The following PLXNC1 variants were observed in gnomAD, a reference collection of about 807,000 sequenced individuals.
PLXNC1 encodes the protein plexin C1.
A neutral mutation model predicts 178.2 loss-of-function variants in PLXNC1; 75 were observed. That is an observed-to-expected ratio of 0.42 (90% CI 0.35 to 0.51). PLXNC1 has a LOEUF of 0.51. PLXNC1 is among the 20% of genes least tolerant of loss of function. PLXNC1 has a pLI of 0.02. For synonymous variants in PLXNC1, 790 were observed against 779.9 expected, an observed-to-expected ratio of 1.01 and a Z score of -0.22; for missense variants, 1,503 against 1,984.4, an observed-to-expected ratio of 0.76 and a Z score of 4.61.
At chr12:94,231,814 T>C (rs1390033208) in intron 9 of PLXNC1, among the ~76,000 whole-genome samples, 1 of 152,156 alleles carries the variant, frequency 6.6e-6, no homozygotes, top group Non-Finnish European at 1.5e-5. Context: ...CCGTTGGCCC[T>C]TTTACCCTGC....
intron 6 of PLXNC1, 60 bp downstream of exon 6, chr12:94,220,223 G>A: frequency 1.3e-6 from 2 of 1,542,292 alleles, no homozygotes; most frequent in Non-Finnish European, 1.8e-6. Context: ...GGAACCTCCT[G>A]AGTTTAGTTT....
intron 14 of PLXNC1, among the ~76,000 whole-genome samples, chr12:94,250,895 G>A (rs756223937): frequency 5.9e-4 from 90 of 152,030 alleles, no homozygotes; most frequent in East Asian, 3.9e-4. Context: ...GGTGTGTACC[G>A]TAGCCCCAGC....
intron 7 of PLXNC1, among the ~76,000 whole-genome samples, chr12:94,226,043 A>G (rs1963928687): frequency 6.6e-6 from 1 of 152,216 alleles, no homozygotes; most frequent in Non-Finnish European, 1.5e-5. Context: ...ATTCCTTCTC[A>G]TAAGTGCTTT....
intron 5 of PLXNC1, among the ~76,000 whole-genome samples, chr12:94,213,821 A>AT (rs1477112365): frequency 6.7e-6 from 1 of 150,278 alleles, no homozygotes; most frequent in Non-Finnish European, 1.5e-5. Flanking sequence ...TCTTGAATTA[A>AT]TTTTTTGTAT....
At chr12:94,177,217 G>A (rs1420437691) in intron 2 of PLXNC1, among the ~76,000 whole-genome samples, 31 of 80,956 alleles carry the variant, frequency 3.8e-4, no homozygotes, top group African/African-American at 1.2e-3. Context: ...ATATATGTGT[G>A]TGTATATATA....
intron 11 of PLXNC1, among the ~76,000 whole-genome samples, chr12:94,242,302 ATTTTTTTTTTTT>A (rs59056862): frequency 3.1e-5 from 3 of 97,376 alleles, no homozygotes; most frequent in African/African-American, 1.3e-4. Flanking sequence ...AATCTCCCCA[ATTTTTTTTTTTT>A]TTTTTTTTTT....
chr12:94,296,612 G>T (rs1455780000), intron 24 of PLXNC1, among the ~76,000 whole-genome samples: 1 of 152,126 alleles, frequency 6.6e-6, no homozygotes, highest in Non-Finnish European at 1.5e-5. Context: ...CCTAGAAAGG[G>T]TCAGCTCCTT....
rs1968169791 is a variant in PLXNC1, at chr12:94,298,675, G to C, written c.4118G>C (p.Trp1373Ser). ...CTTGAAAAACTTTTTAGAAGCATTT[G>C]GAGTTTACCCAACAGCAGAGCTCCA... ...SVLEKLFRSI[W>S]SLPNSRAPFA... is the part of the protein sequence containing the mutation. The change falls in exon 27 of 31, where the codon TGG (tryptophan) becomes TCG (serine). Residue 1373 changes from tryptophan (W) to serine (S), a missense_variant. Physicochemically the swap from Trp to Ser is radical, Grantham distance 177 (BLOSUM62 -3). This residue lies in a region of PLXNC1 where 639 missense variants were observed against 979.7 expected (regional missense o/e 0.65). Coordinates refer to ENST00000258526, the MANE Select transcript of PLXNC1 (RefSeq NM_005761.3). 1.2e-6 allele frequency: 2 copies of C among 1,609,652 alleles called. 1 individual carries two copies. Among genetic ancestry groups the C allele is most frequent in the African/African-American group, 2.7e-5 (2 of 74,596 alleles).
chr12:94,186,226 C>G, intron 3 of PLXNC1, 147 bp from the exon 4 acceptor site: 1 of 608,164 alleles, frequency 1.6e-6, no homozygotes, highest in Non-Finnish European at 3.0e-6. Context: ...TGTCCTAGAT[C>G]TTGAGACCCA....
chr12:94,152,701 G>A (rs1452218961), intron 1 of PLXNC1, among the ~76,000 whole-genome samples: 1 of 152,174 alleles, frequency 6.6e-6, no homozygotes, highest in African/African-American at 2.4e-5. Context: ...ACAAGCGGCT[G>A]GATTTGCTTG....
intron 7 of PLXNC1, among the ~76,000 whole-genome samples, chr12:94,226,147 C>G (rs552358996): frequency 9.9e-5 from 15 of 152,230 alleles, no homozygotes; most frequent in Non-Finnish European, 2.1e-4. Context: ...AACACAGGCA[C>G]CTCGTTGCCT....
intron 10 of PLXNC1, among the ~76,000 whole-genome samples, chr12:94,239,895 A>G (rs1262107524): frequency 6.6e-6 from 1 of 152,174 alleles, no homozygotes; most frequent in Non-Finnish European, 1.5e-5. Flanking sequence ...TTACCCTCTC[A>G]GTGCTTGACT....
At chr12:94,284,169 C>T (rs1183166589) in intron 23 of PLXNC1, among the ~76,000 whole-genome samples, 1 of 151,968 alleles carries the variant, frequency 6.6e-6, no homozygotes, top group Non-Finnish European at 1.5e-5. Flanking sequence ...ATTTTATCCC[C>T]AGGAGCAATT....
intron 17 of PLXNC1, among the ~76,000 whole-genome samples, chr12:94,256,667 C>T (rs576221721): frequency 1.3e-5 from 2 of 152,152 alleles, no homozygotes; most frequent in African/African-American, 2.4e-5. Context: ...AATAAAATAA[C>T]GGAGATTTTT....
At chr12:94,164,125 C>T (rs1415442654) in intron 1 of PLXNC1, among the ~76,000 whole-genome samples, 1 of 152,054 alleles carries the variant, frequency 6.6e-6, no homozygotes, top group Non-Finnish European at 1.5e-5. Context: ...AGGGCTCCTT[C>T]AGGGGTTTCC....
rs10715853 is a variant in PLXNC1 at position 94,234,139 on chromosome 12, ATT to A, written c.1981-3517_1981-3516del. On this transcript the variant is annotated intron_variant, in intron 9 of 30. Transcript: ENST00000258526. The stretch of plus-strand genomic sequence containing the variant: ...CCTACAGAGAGTTTGCTATATTCAG[ATT>A]TTTTTTTAACAGATTAATAGAGTAC... Among the ~76,000 whole-genome samples the A allele has an allele frequency of 1.8e-4, 28 of 151,674 alleles. No individual in the cohort carries two copies. In the East Asian group the frequency reaches 5.2e-3, roughly 28 times the overall value.
At chr12:94,203,921 A>G (rs1963215896) in intron 4 of PLXNC1, among the ~76,000 whole-genome samples, 1 of 152,164 alleles carries the variant, frequency 6.6e-6, no homozygotes, top group Admixed American at 6.5e-5. Flanking sequence ...ATTAATGCCA[A>G]TCATAGAAGG....
At chr12:94,214,199 C>G (rs143042205) in intron 5 of PLXNC1, among the ~76,000 whole-genome samples, 3,084 of 151,824 alleles carry the variant, frequency 0.02, 120 homozygotes, top group African/African-American at 0.071. Context: ...ATCCTCCCAC[C>G]TCAGCCTCCC....
intron 6 of PLXNC1, among the ~76,000 whole-genome samples, chr12:94,223,425 T>C (rs1423508048): frequency 1.3e-5 from 2 of 152,208 alleles, no homozygotes; most frequent in African/African-American, 2.4e-5. Context: ...AATTGTTCCA[T>C]GGGGAGCAAT....
Sources: allele counts gnomAD v4.1 joint callset (sites outside exome capture counted in the v4.1 genomes callset), GRCh38; gene constraint gnomAD v4.1.1; regional missense constraint gnomAD v4.1.1; transcripts MANE v1.5; gene names NCBI Gene and HGNC (gene_info 2026-07-23, HGNC 2026-07-21).